Variants in RNF44 observed in about 807,000 individuals in gnomAD.
The protein encoded by RNF44 is ring finger protein 44.
Under a neutral mutation model 53.6 loss-of-function variants are expected in RNF44, and 25 were observed. That is an observed-to-expected ratio of 0.47 (90% CI 0.34 to 0.65). The LOEUF is 0.65. Among genes scored for constraint, RNF44 ranks in the 30% least tolerant of loss-of-function variants. The probability of loss-of-function intolerance (pLI) is 0.01; values close to 1 mark genes in which losing one functional copy is unlikely to be tolerated. For missense variants in RNF44, 581 were observed against 595.5 expected (o/e 0.98, Z 0.25); for synonymous variants, 282 against 252.2 (o/e 1.12, Z -1.12).
chr5:176,529,790 T>C lies in RNF44; in HGVS notation c.955A>G (p.Met319Val), dbSNP rs746251948. The C allele has an allele frequency of 1.6e-5, 25 of 1,609,692 alleles. No individual in the cohort carries two copies. The highest frequency in any genetic ancestry group is 1.6e-4 in the Middle Eastern group (1 of 6,062). Residue 319 changes from methionine to valine, a missense_variant, in exon 8 of 11, where the codon ATG becomes GTG. Physicochemically the swap from Met to Val is conservative, Grantham distance 21. Around this residue, in one of 3 missense-constraint regions of RNF44, gnomAD observed 183 missense variants for 198.6 expected, o/e 0.92. Coordinates refer to ENST00000274811, the MANE Select transcript of RNF44 (RefSeq NM_014901.5). ...AGGTCCAGGCTGATGGTGGGCCCCA[T>C]TGCTGTTGGTGACATTGGCAGCATC... ...LSMLPMSPTA[M>V]GPTISLDLDV...
intron 1 of RNF44, among the ~76,000 whole-genome samples, 194 bp from the exon 2 acceptor site, chr5:176,532,710 T>C (rs548841994): frequency 1.6e-5 from 2 of 128,838 alleles, no homozygotes; most frequent in African/African-American, 3.0e-5. Context: ...ATCGCACCAC[T>C]GCACTCTAGT....
At chr5:176,539,125 G>A (rs1018675408), upstream of RNF44, among the ~76,000 whole-genome samples, 1 of 152,186 alleles carries the variant, frequency 6.6e-6, no homozygotes, top group East Asian at 1.9e-4. Context: ...AGCAATGATC[G>A]TATCACTGTG....
Position 176,530,214 on chromosome 5 carries a change from A to G in RNF44, c.802-8T>C, listed in dbSNP as rs1176665089. ...CATCATGTGAGAATATGGCTGCAAG[A>G]GGGGCCAGGTGCAGGTCAGCCCAGC... On this transcript the variant is annotated splice_region_variant and splice_polypyrimidine_tract_variant and intron_variant, in intron 6 of 10. Transcript: ENST00000274811. The G allele has an allele frequency of 7.6e-7, 1 of 1,315,714 alleles. No individual in the cohort carries two copies. The highest frequency in any genetic ancestry group is 9.7e-7 in the Non-Finnish European group (1 of 1,030,344). The allele number at this position is 1,315,714 out of a possible 1,614,324, so 81.5% of individuals were successfully genotyped here. A position where few individuals can be genotyped will look rare whatever the true frequency, so the allele number is the denominator to read the frequency against.
intron 2 of RNF44, 58 bp downstream of exon 2, chr5:176,532,308 C>T (rs1053300339): frequency 5.1e-5 from 78 of 1,541,880 alleles, no homozygotes; most frequent in Admixed American, 4.0e-5. Context: ...CAGGGCCCTG[C>T]GCCCCACCCC....
chr5:176,529,177 G>A, intron 10 of RNF44, 87 bp from the exon 11 acceptor site: 5 of 1,564,562 alleles, frequency 3.2e-6, no homozygotes, highest in Non-Finnish European at 4.4e-6. Context: ...TGGTCCGCTG[G>A]AGCCAGAACT....
Position 176,528,650 on chromosome 5 carries a change from A to T in RNF44, c.*378T>A. The T allele has an allele frequency of 3.7e-6, 1 of 270,832 alleles. No homozygotes were observed. The highest frequency in any genetic ancestry group is 7.1e-6 in the Non-Finnish European group (1 of 140,888). 16.8% of individuals were successfully genotyped at this position (270,832 alleles called of 1,614,324 possible). ...TTCAGAGCATGAGACCTTCTGACCC[A>T]GGATGGTGCTCTGTCTGCCCATCCT... On this transcript the variant is annotated 3_prime_UTR_variant, in exon 11 of 11. Coordinates refer to ENST00000274811, the MANE Select transcript of RNF44 (RefSeq NM_014901.5).
chr5:176,530,462 C>CG, intron 6 of RNF44, 120 bp downstream of exon 6: 1 of 1,003,772 alleles, frequency 1.0e-6, no homozygotes, highest in Non-Finnish European at 1.3e-6. Flanking sequence ...CCGGAGCCCA[C>CG]GTGCAAGTCA....
At position 176,532,342 on chromosome 5, in the gene RNF44, CAGGACT is replaced by C; in HGVS notation, c.107+18_107+23del. On this transcript the variant is annotated intron_variant, in intron 2 of 10. Transcript: ENST00000274811. ...CCTGCTGGCCCCCATGCCCCAGCACCAGGACTGGGAGGCTCCTTCCTACCTTCCCCA... is the reference window on the plus strand; with the variant it reads ...CCTGCTGGCCCCCATGCCCCAGCACCGGGAGGCTCCTTCCTACCTTCCCCA... The C allele has an allele frequency of 1.9e-6, 3 of 1,592,968 alleles. No homozygotes were observed. The South Asian group carries it at 3.4e-5, about 18-fold the overall frequency.
intron 1 of RNF44, among the ~76,000 whole-genome samples, chr5:176,533,702 C>T (rs574507507): frequency 1.3e-5 from 2 of 152,310 alleles, no homozygotes; most frequent in East Asian, 3.9e-4. Context: ...GGGGCAGGGT[C>T]TCCTGCCTCC....
chr5:176,535,706 C>T (rs188093653), intron 1 of RNF44, among the ~76,000 whole-genome samples: 1 of 152,226 alleles, frequency 6.6e-6, no homozygotes, highest in African/African-American at 2.4e-5. Flanking sequence ...TTTCAGGCAC[C>T]CATCTTTAGC....
chr5:176,529,168 G>C (rs1335420956), intron 10 of RNF44, 78 bp from the exon 11 acceptor site: 1 of 1,578,966 alleles, frequency 6.3e-7, no homozygotes, highest in East Asian at 2.3e-5. Context: ...GGGGGGACTT[G>C]GTCCGCTGGA....
upstream of RNF44, among the ~76,000 whole-genome samples, chr5:176,541,059 G>A (rs527472632): frequency 1.2e-4 from 18 of 152,316 alleles, no homozygotes; most frequent in South Asian, 2.1e-3. Context: ...GGGAGACGTC[G>A]TTTACTTTCA....
intron 1 of RNF44, chr5:176,536,302 T>TG (rs1757165256): frequency 6.6e-6 from 1 of 152,232 alleles, no homozygotes; most frequent in Non-Finnish European, 1.5e-5. Flanking sequence ...AGCTATAAAA[T>TG]GGGGGTGGAA....
upstream of RNF44, among the ~76,000 whole-genome samples, chr5:176,541,609 G>C (rs1757448943): frequency 6.6e-6 from 1 of 152,086 alleles, no homozygotes; most frequent in Admixed American, 6.5e-5. Context: ...CTCTGCAGTG[G>C]GGAAGGGCTT....
At chr5:176,533,155 C>T (rs1187427404) in intron 1 of RNF44, among the ~76,000 whole-genome samples, 1 of 152,192 alleles carries the variant, frequency 6.6e-6, no homozygotes, top group Non-Finnish European at 1.5e-5. Flanking sequence ...CTGGGGGTTC[C>T]TGAGGAGGGT....
At chr5:176,532,613 G>A (rs1476750987) in intron 1 of RNF44, 97 bp from the exon 2 acceptor site, 20 of 1,085,050 alleles carry the variant, frequency 1.8e-5, no homozygotes. Context: ...CATGGTGGTG[G>A]ACACCTGTAA....
rs1756695774 is a variant in RNF44, at chr5:176,531,825, T to G, written c.297+179A>C. The G allele has an allele frequency of 1.2e-6, 1 of 852,958 alleles. No individual in the cohort carries two copies. Among genetic ancestry groups the G allele is most frequent in the Non-Finnish European group, 1.8e-6 (1 of 560,486 alleles). 52.8% of individuals were successfully genotyped at this position (852,958 alleles called of 1,614,324 possible). A position where few individuals can be genotyped will look rare whatever the true frequency, so the allele number is the denominator to read the frequency against. On this transcript the variant is annotated intron_variant, in intron 3 of 10. Coordinates refer to ENST00000274811, the MANE Select transcript of RNF44 (RefSeq NM_014901.5). The surrounding 1 kb of genome is among the most constrained non-coding windows in gnomAD (Gnocchi z 4.2). Reference sequence around the variant, plus strand: ...AGAAAGCCCCGTGGGAATCTAGCTCTGCTAGTCACCCAGTGTGGCCCTTTC... The same window carrying G: ...AGAAAGCCCCGTGGGAATCTAGCTCGGCTAGTCACCCAGTGTGGCCCTTTC...
chr5:176,540,970 C>CT, upstream of RNF44, among the ~76,000 whole-genome samples: 1 of 152,354 alleles, frequency 6.6e-6, no homozygotes, highest in Middle Eastern at 3.4e-3. Context: ...GGATCTTAGG[C>CT]TTTGGAACCC....
chr5:176,536,569 G>A (rs1295824279), intron 1 of RNF44, among the ~76,000 whole-genome samples: 1 of 152,232 alleles, frequency 6.6e-6, no homozygotes, highest in African/African-American at 2.4e-5. Context: ...CTCTCGGAGG[G>A]ACACCGGGGG....
Sources: gnomAD v4.1 joint callset for allele counts (sites outside exome capture counted in the v4.1 genomes callset) on GRCh38, gnomAD v4.1.1 for gene constraint, gnomAD v4.1.1 regional missense constraint, Gnocchi (gnomAD v3.1) non-coding constraint, MANE v1.5 for transcripts, NCBI Gene and HGNC (gene_info 2026-07-23, HGNC 2026-07-21) for gene names.